Variants in FAM151B observed in about 807,000 individuals in gnomAD.
FAM151B encodes the protein family with sequence similarity 151 member B.
Under a neutral mutation model 31.2 loss-of-function variants are expected in FAM151B, and 24 were observed. The ratio of observed to expected loss-of-function variants is 0.77; its 90% CI spans 0.56 to 1.08. FAM151B has a LOEUF of 1.08. Among genes scored for constraint, FAM151B ranks in the 50% least tolerant of loss-of-function variants. The pLI is 0.00. For missense variants in FAM151B, 293 were observed against 328.6 expected, an observed-to-expected ratio of 0.89 and a Z score of 0.84; for synonymous variants, 105 against 111.4, an observed-to-expected ratio of 0.94 and a Z score of 0.36.
At chr5:80,517,142 TGAGA>T (rs888398500) in intron 3 of FAM151B, among the ~76,000 whole-genome samples, 8 of 151,376 alleles carry the variant, frequency 5.3e-5, no homozygotes, top group South Asian at 2.1e-4. Flanking sequence ...TATGCTATTT[TGAGA>T]GAGAGAGAGA....
chr5:80,503,836 A>G (rs1056922421), intron 2 of FAM151B, among the ~76,000 whole-genome samples: 4 of 152,052 alleles, frequency 2.6e-5, no homozygotes, highest in African/African-American at 9.7e-5. Flanking sequence ...GGGTGAGGCA[A>G]CGTATGCCTT....
At chr5:80,503,074 A>G (rs1239249568) in intron 2 of FAM151B, among the ~76,000 whole-genome samples, 2 of 152,204 alleles carry the variant, frequency 1.3e-5, no homozygotes, top group African/African-American at 4.8e-5. Flanking sequence ...CCTTCTGAAT[A>G]CGCTAAATAA....
In FAM151B at chr5:80,494,451, C is replaced by CTTTCTTTCTTTCTTTTCT. The variant is rs776271080; in HGVS notation, c.25+6310_25+6311insCTTTCTTTTCTTTTCTTT. Among the ~76,000 whole-genome samples the CTTTCTTTCTTTCTTTTCT allele has an allele frequency of 2.6e-4, 12 of 46,584 alleles. 1 individual carries two copies. The highest frequency in any genetic ancestry group is 2.3e-3 in the Admixed American group (7 of 3,042). The allele number at this position is 46,584 out of a possible 152,430, so 30.6% of individuals were successfully genotyped here. ...TTTCTGTCTTTCTTTCTTTTTCTTT[C>CTTTCTTTCTTTCTTTTCT]TTTCTTTTCTTTCTTTCTTTCTTTC... On this transcript the variant is annotated intron_variant, in intron 1 of 5. Transcript: ENST00000282226.
intron 3 of FAM151B, among the ~76,000 whole-genome samples, chr5:80,514,751 G>T (rs1436051066): frequency 6.6e-6 from 1 of 151,978 alleles, no homozygotes; most frequent in Non-Finnish European, 1.5e-5. Context: ...TTTTTAAATA[G>T]AATTATCTCA....
At chr5:80,538,432 CTTTCTTTCTTTCTT>C (rs1561383349) in intron 5 of FAM151B, among the ~76,000 whole-genome samples, 679 of 58,772 alleles carry the variant, frequency 0.012, 9 homozygotes, top group East Asian at 0.039. Context: ...TTCTTTCTTT[CTTTCTTTCTTTCTT>C]TCTCTTTCTT....
chr5:80,539,731 A>G (rs1745784524), intron 5 of FAM151B, among the ~76,000 whole-genome samples: 2 of 150,392 alleles, frequency 1.3e-5, no homozygotes, highest in African/African-American at 4.9e-5. Flanking sequence ...AGCTCAGGCA[A>G]TCGGCCTGCC....
At chr5:80,530,127 A>G (rs1386464735) in intron 5 of FAM151B, among the ~76,000 whole-genome samples, 3 of 152,244 alleles carry the variant, frequency 2.0e-5, no homozygotes, top group Non-Finnish European at 4.4e-5. Context: ...AGAACCAAAG[A>G]CAAAAACCAC....
At chr5:80,527,951 C>G (rs987378567) in intron 5 of FAM151B, among the ~76,000 whole-genome samples, 1 of 152,182 alleles carries the variant, frequency 6.6e-6, no homozygotes, top group South Asian at 2.1e-4. Flanking sequence ...TAAAACACAA[C>G]CACCTTGTAT....
intron 1 of FAM151B, chr5:80,498,519 C>T (rs1218674085): frequency 5.6e-6 from 5 of 900,190 alleles, no homozygotes; most frequent in Non-Finnish European, 8.8e-6. Context: ...CTTTTATTAA[C>T]TCATAGACAA....
At chr5:80,497,296 T>C (rs1743582588) in intron 1 of FAM151B, among the ~76,000 whole-genome samples, 1 of 151,854 alleles carries the variant, frequency 6.6e-6, no homozygotes, top group Non-Finnish European at 1.5e-5. Flanking sequence ...GTGATGGTAA[T>C]CTCAGCTGCT....
At chr5:80,522,884 AT>A (rs11329451) in intron 5 of FAM151B, among the ~76,000 whole-genome samples, 13,972 of 151,484 alleles carry the variant, frequency 0.092, 856 homozygotes, top group African/African-American at 0.17. Flanking sequence ...TAAAAATTTT[AT>A]TTTTTTTTCT....
At chr5:80,506,875 G>A (rs1030284300) in intron 2 of FAM151B, among the ~76,000 whole-genome samples, 4 of 152,100 alleles carry the variant, frequency 2.6e-5, no homozygotes, top group South Asian at 2.1e-4. Flanking sequence ...ACTAGGCCAA[G>A]CAAGGTGGCT....
chr5:80,501,465 GA>G (rs34586243), intron 1 of FAM151B: 52,736 of 85,476 alleles, frequency 0.62, 15,552 homozygotes, highest in Admixed American at 0.73. Flanking sequence ...CTCTCAAATT[GA>G]AAAAAAAAAA....
At chr5:80,492,852 G>A (rs1266930123) in intron 1 of FAM151B, among the ~76,000 whole-genome samples, 2 of 152,130 alleles carry the variant, frequency 1.3e-5, no homozygotes, top group Admixed American at 6.5e-5. Flanking sequence ...TACTTGGGAT[G>A]CCCAGGCAGG....
At chr5:80,491,106 CTAAT>C (rs1489685759) in intron 1 of FAM151B, among the ~76,000 whole-genome samples, 3 of 152,130 alleles carry the variant, frequency 2.0e-5, no homozygotes, top group African/African-American at 7.2e-5. Context: ...TTAAGTCAGG[CTAAT>C]TAATATATCC....
chr5:80,488,177 G>A, intron 1 of FAM151B, 29 bp downstream of exon 1: 1 of 1,534,168 alleles, frequency 6.5e-7, no homozygotes, highest in Non-Finnish European at 8.8e-7. Context: ...GCCTCTGCCT[G>A]GAGGTGGGGC....
intron 1 of FAM151B, chr5:80,501,180 ATTT>A: frequency 1.5e-5 from 4 of 275,468 alleles, no homozygotes; most frequent in South Asian, 8.3e-5. Flanking sequence ...CACCTGGCTA[ATTT>A]TTTTTTTTTT....
chr5:80,514,481 A>C (rs1336991222), intron 3 of FAM151B, among the ~76,000 whole-genome samples: 2 of 124,818 alleles, frequency 1.6e-5, no homozygotes, highest in East Asian at 4.5e-4. Context: ...CTCTCAAATA[A>C]TAATAATAAT....
intron 5 of FAM151B, among the ~76,000 whole-genome samples, chr5:80,529,376 ATAAC>A (rs1293673736): frequency 5.9e-5 from 9 of 152,214 alleles, no homozygotes; most frequent in African/African-American, 2.2e-4. Context: ...AAGGCAAGAA[ATAAC>A]TAAGATCAGA....
Sources: allele counts gnomAD v4.1 joint callset (sites outside exome capture counted in the v4.1 genomes callset), GRCh38; gene constraint gnomAD v4.1.1; transcripts MANE v1.5; gene names NCBI Gene and HGNC (gene_info 2026-07-23, HGNC 2026-07-21).